Variants in USH2A observed in about 807,000 individuals in gnomAD.
USH2A encodes the protein usherin.
USH2A carries 443 observed loss-of-function variants against 538.9 expected under a neutral mutation model. The observed-to-expected ratio is 0.82, with a 90% confidence interval of 0.76 to 0.89. The LOEUF is 0.89. USH2A is among the 40% of genes least tolerant of loss of function. USH2A has a pLI of 0.00. For missense variants in USH2A, 6,633 were observed against 6,324.8 expected, an observed-to-expected ratio of 1.05 and a Z score of -1.65; for synonymous variants, 2,413 against 2,273.5, an observed-to-expected ratio of 1.06 and a Z score of -1.75.
chr1:215,830,607 G>A (rs1233706023), intron 47 of USH2A, among the ~76,000 whole-genome samples: 1 of 152,142 alleles, frequency 6.6e-6, no homozygotes. Flanking sequence ...GGAAAGATGG[G>A]GGACATTTCA....
intron 3 of USH2A, among the ~76,000 whole-genome samples, chr1:216,410,250 G>A (rs1055058037): frequency 6.6e-6 from 1 of 152,044 alleles, no homozygotes; most frequent in Non-Finnish European, 1.5e-5. Context: ...GGCTGATGTT[G>A]GGAGTGTAAA....
chr1:216,361,824 C>CAT (rs2038496246), intron 4 of USH2A, among the ~76,000 whole-genome samples: 1 of 152,178 alleles, frequency 6.6e-6, no homozygotes, highest in Middle Eastern at 3.2e-3. Flanking sequence ...GATATAACTG[C>CAT]ATACACTATG....
At chr1:216,019,156 GAGAT>G (rs1442251168) in intron 32 of USH2A, among the ~76,000 whole-genome samples, 4 of 152,146 alleles carry the variant, frequency 2.6e-5, no homozygotes, top group Admixed American at 2.6e-4. Flanking sequence ...CTTCAAAAAG[GAGAT>G]AGAACTTAAA....
At chr1:216,100,283 A>G in intron 21 of USH2A, among the ~76,000 whole-genome samples, 1 of 152,202 alleles carries the variant, frequency 6.6e-6, no homozygotes, top group East Asian at 1.9e-4. Flanking sequence ...AATTAGAAAA[A>G]TCTGATAGAG....
At chr1:216,236,521 A>G (rs1377384169) in intron 13 of USH2A, among the ~76,000 whole-genome samples, 1 of 152,198 alleles carries the variant, frequency 6.6e-6, no homozygotes, top group East Asian at 1.9e-4. Flanking sequence ...AAACAGATGT[A>G]TGAATGAAAT....
At chr1:215,670,836 T>A in intron 64 of USH2A, 136 bp downstream of exon 64, 2 of 920,072 alleles carry the variant, frequency 2.2e-6, no homozygotes, top group Admixed American at 2.6e-5. Flanking sequence ...CACTTAAAAA[T>A]TTTTAAGGAA....
At chr1:216,248,467 A>AATG (rs1165540401) in intron 12 of USH2A, among the ~76,000 whole-genome samples, 1 of 151,876 alleles carries the variant, frequency 6.6e-6, no homozygotes, top group African/African-American at 2.4e-5. Context: ...TTAATCTTAA[A>AATG]ATAAGAGTCA....
At chr1:215,794,121 C>T (rs1441604514) in intron 50 of USH2A, among the ~76,000 whole-genome samples, 5 of 152,274 alleles carry the variant, frequency 3.3e-5, no homozygotes, top group Admixed American at 6.5e-5. Flanking sequence ...TTCTACACAA[C>T]GCATCTGCCC....
intron 9 of USH2A, among the ~76,000 whole-genome samples, chr1:216,319,022 T>G (rs1371192625): frequency 2.0e-5 from 3 of 152,144 alleles, no homozygotes; most frequent in Non-Finnish European, 4.4e-5. Context: ...GACTGACTAG[T>G]CAACAGAAAG....
chr1:216,053,937 G>A (rs2030884700), intron 30 of USH2A, among the ~76,000 whole-genome samples: 1 of 152,132 alleles, frequency 6.6e-6, no homozygotes, highest in South Asian at 2.1e-4. Context: ...CCGTAGATAG[G>A]TTAAGAGGCC....
At chr1:215,643,321 T>C (rs956491026) in intron 67 of USH2A, among the ~76,000 whole-genome samples, 4 of 152,164 alleles carry the variant, frequency 2.6e-5, no homozygotes, top group African/African-American at 9.7e-5. Context: ...TGGTTTGTAT[T>C]CTCTGGTGCA....
At chr1:216,362,330 G>A (rs1024178301) in intron 4 of USH2A, among the ~76,000 whole-genome samples, 3 of 151,960 alleles carry the variant, frequency 2.0e-5, no homozygotes. Context: ...CAAGACATAC[G>A]TAAAAAGCTA....
chr1:215,828,422 C>T (rs900419680), intron 47 of USH2A, among the ~76,000 whole-genome samples: 6 of 152,036 alleles, frequency 3.9e-5, no homozygotes, highest in Admixed American at 3.9e-4. Context: ...GCTTGGGTGA[C>T]AGAACGAGAT....
chr1:216,241,219 C>A (rs2035930381), intron 13 of USH2A, among the ~76,000 whole-genome samples: 1 of 152,100 alleles, frequency 6.6e-6, no homozygotes. Flanking sequence ...ATAATATCTA[C>A]ATTTTAAAAA....
chr1:215,862,192 G>A, intron 44 of USH2A, among the ~76,000 whole-genome samples: 1 of 152,076 alleles, frequency 6.6e-6, no homozygotes, highest in East Asian at 1.9e-4. Context: ...AGCCAAGTCA[G>A]GTAATTATAA....
chr1:216,191,897 A>G (rs906464500), intron 19 of USH2A, among the ~76,000 whole-genome samples: 5 of 152,084 alleles, frequency 3.3e-5, no homozygotes, highest in Non-Finnish European at 7.4e-5. Context: ...AGAAATCTAC[A>G]CTAATATTTA....
intron 61 of USH2A, among the ~76,000 whole-genome samples, chr1:215,708,366 G>A (rs1484240459): frequency 2.0e-5 from 3 of 152,306 alleles, no homozygotes; most frequent in East Asian, 1.9e-4. Flanking sequence ...GACTGGATGA[G>A]TGAATGAATG....
At chr1:216,240,718 C>T (rs1256932972) in intron 13 of USH2A, among the ~76,000 whole-genome samples, 1 of 152,102 alleles carries the variant, frequency 6.6e-6, no homozygotes, top group Non-Finnish European at 1.5e-5. Context: ...TTACTTCCCT[C>T]CTTGTATTCT....
intron 55 of USH2A, among the ~76,000 whole-genome samples, chr1:215,773,158 G>A (rs1426891416): frequency 6.6e-6 from 1 of 152,172 alleles, no homozygotes; most frequent in African/African-American, 2.4e-5. Context: ...TCGAGCTGCA[G>A]ACATAGGTAA....
Sources: gnomAD v4.1 joint callset for allele counts (sites outside exome capture counted in the v4.1 genomes callset) on GRCh38, gnomAD v4.1.1 for gene constraint, MANE v1.5 for transcripts, NCBI Gene and HGNC (gene_info 2026-07-23, HGNC 2026-07-21) for gene names.